GLIS1: variants seen among roughly 807,000 people sequenced by gnomAD.
GLIS1 encodes the protein GLIS family zinc finger 1.
GLIS1 carries 24 observed loss-of-function variants against 63.8 expected under a neutral mutation model. That is an observed-to-expected ratio of 0.38 (90% CI 0.27 to 0.53). The LOEUF (loss-of-function observed/expected upper bound fraction) is 0.53. Ranked by LOEUF, GLIS1 falls within the 20% of genes least tolerant of loss-of-function variation. The pLI is 0.85. For synonymous variants in GLIS1, 450 were observed against 482.5 expected, an observed-to-expected ratio of 0.93 and a Z score of 0.88; for missense variants, 1,036 against 1,074.1, an observed-to-expected ratio of 0.96 and a Z score of 0.50.
chr1:53,680,366 T>C (rs1240942742), intron 2 of GLIS1, among the ~76,000 whole-genome samples: 1 of 152,166 alleles, frequency 6.6e-6, no homozygotes, highest in Non-Finnish European at 1.5e-5. Flanking sequence ...GTAGAGACTA[T>C]GATCTATGCC....
At chr1:53,522,708 A>G (rs775460149) in intron 6 of GLIS1, among the ~76,000 whole-genome samples, 1 of 152,122 alleles carries the variant, frequency 6.6e-6, no homozygotes, top group Non-Finnish European at 1.5e-5. Context: ...CAGGAGTTTG[A>G]AACCAGCCTG....
chr1:53,586,430 C>A (rs901783936), intron 4 of GLIS1, among the ~76,000 whole-genome samples: 3 of 152,228 alleles, frequency 2.0e-5, no homozygotes, highest in Non-Finnish European at 2.9e-5. Context: ...GGACTTCCAA[C>A]AGCCTTTTCT....
intron 2 of GLIS1, among the ~76,000 whole-genome samples, chr1:53,677,137 C>T (rs555193394): frequency 1.7e-4 from 26 of 152,362 alleles, no homozygotes; most frequent in Non-Finnish European, 3.4e-4. Flanking sequence ...TGATGACAGA[C>T]GCACATTAGG....
At position 53,677,212 on chromosome 1, in the gene GLIS1, A is replaced by T. The variant is rs1646222809; in HGVS notation, c.259+60594T>A. ...CAGAGTGAGTGTGTAGATTAGTTAT[A>T]ATGGGAGTTACGGTTGCTACATCCA... On this transcript the variant is annotated intron_variant, in intron 2 of 10. Transcript: ENST00000628545. Among the ~76,000 whole-genome samples the T allele has an allele frequency of 3.3e-5, 5 of 151,780 alleles. No individual in the cohort carries two copies. The South Asian group carries it at 1.0e-3, about 32-fold the overall frequency.
intron 2 of GLIS1, among the ~76,000 whole-genome samples, chr1:53,665,825 G>A (rs1027037347): frequency 5.3e-5 from 8 of 152,162 alleles, no homozygotes; most frequent in African/African-American, 1.9e-4. Context: ...AGCTACTGCT[G>A]AAAGGTCAAA....
At chr1:53,657,538 C>T (rs996530230) in intron 2 of GLIS1, among the ~76,000 whole-genome samples, 1 of 152,160 alleles carries the variant, frequency 6.6e-6, no homozygotes, top group African/African-American at 2.4e-5. Context: ...CTGGCAGCTT[C>T]CCTCTTGGTT....
rs945073423 is a variant in GLIS1, at chr1:53,507,911, C to T, written c.2231-1135G>A. On this transcript the variant is annotated intron_variant, in intron 10 of 10. Coordinates refer to ENST00000628545, the MANE Select transcript of GLIS1 (RefSeq NM_001367484.1). ...GCCCACAGTGCTGGGCACCTCAATTCGGGTATACACAGACACAGAGCACCC... is the reference window on the plus strand; with the variant it reads ...GCCCACAGTGCTGGGCACCTCAATTTGGGTATACACAGACACAGAGCACCC... 3.3e-5 allele frequency among the ~76,000 whole-genome samples: 5 copies of T among 152,148 alleles called. No individual in the cohort carries two copies. The East Asian group carries it at 5.8e-4, about 18-fold the overall frequency.
Position 53,520,573 on chromosome 1 carries a change from T to A in GLIS1, c.1726+61A>T, listed in dbSNP as rs950440745. On this transcript the variant is annotated intron_variant, in intron 7 of 10. Coordinates refer to ENST00000628545, the MANE Select transcript of GLIS1 (RefSeq NM_001367484.1). ...CCACTGAGCATCACTTGTCCTTGAC[T>A]GTGGGCAGAGAAAGGCCCCTCCTGG... 5.9e-6 allele frequency: 9 copies of A among 1,514,674 alleles called. No individual in the cohort carries two copies. The South Asian group carries it at 9.3e-5, about 16-fold the overall frequency. 93.8% of individuals were successfully genotyped at this position (1,514,674 alleles called of 1,614,324 possible).
intron 2 of GLIS1, among the ~76,000 whole-genome samples, chr1:53,717,374 C>T (rs1348424880): frequency 6.6e-6 from 1 of 152,204 alleles, no homozygotes; most frequent in African/African-American, 2.4e-5. Context: ...AGCAATGAAA[C>T]ACCTTCAGAC....
Position 53,622,904 on chromosome 1 carries a change from T to TA in GLIS1, c.260-22627dup, listed in dbSNP as rs140921237. Among the ~76,000 whole-genome samples the TA allele has an allele frequency of 1.1e-3, 173 of 152,372 alleles. 1 individual carries two copies. The East Asian group carries it at 0.014, about 12-fold the overall frequency. Reference sequence around the variant, plus strand: ...GTAGCCTCAGGAAATACATGCTTTTTAAAAAAATTATTCTTTGCCATTTTC... The same window carrying TA: ...GTAGCCTCAGGAAATACATGCTTTTTAAAAAAAATTATTCTTTGCCATTTTC... On this transcript the variant is annotated intron_variant, in intron 2 of 10. Coordinates refer to ENST00000628545, the MANE Select transcript of GLIS1 (RefSeq NM_001367484.1).
In GLIS1 at chr1:53,646,320, T is replaced by C. The variant is rs540126794; in HGVS notation, c.260-46042A>G. 7.2e-5 allele frequency among the ~76,000 whole-genome samples: 11 copies of C among 152,100 alleles called. No individual in the cohort carries two copies. Among genetic ancestry groups the C allele is most frequent in the African/African-American group, 2.7e-4 (11 of 41,494 alleles). ...TGATAATCAGAAATCAAAAAGAATC[T>C]AAAAACAAACTAGACCATTAAAAAG... On this transcript the variant is annotated intron_variant, in intron 2 of 10. Coordinates refer to ENST00000628545, the MANE Select transcript of GLIS1 (RefSeq NM_001367484.1). The surrounding 1 kb of genome is among the most constrained non-coding windows in gnomAD (Gnocchi z 4.2).
At chr1:53,685,349 C>T (rs1450917164) in intron 2 of GLIS1, among the ~76,000 whole-genome samples, 1 of 152,204 alleles carries the variant, frequency 6.6e-6, no homozygotes, top group Admixed American at 6.5e-5. Context: ...GGACCGCGTC[C>T]CCAGAGCGCC....
intron 2 of GLIS1, among the ~76,000 whole-genome samples, chr1:53,635,350 C>T (rs1645712595): frequency 6.6e-6 from 1 of 152,060 alleles, no homozygotes; most frequent in African/African-American, 2.4e-5. Context: ...AATTAAGAAA[C>T]ATGGCCTACA....
At chr1:53,692,477 TAC>T (rs1419617032) in intron 2 of GLIS1, among the ~76,000 whole-genome samples, 1 of 152,260 alleles carries the variant, frequency 6.6e-6, no homozygotes, top group African/African-American at 2.4e-5. Flanking sequence ...CTGTGTGCTT[TAC>T]ACACATTAAT....
intron 4 of GLIS1, among the ~76,000 whole-genome samples, chr1:53,568,002 A>T (rs1644951135): frequency 6.6e-6 from 1 of 152,222 alleles, no homozygotes. Flanking sequence ...GGCCTATGAG[A>T]AGAGGGCCAC....
chr1:53,664,331 G>A (rs1198320084), intron 2 of GLIS1, among the ~76,000 whole-genome samples: 1 of 152,206 alleles, frequency 6.6e-6, no homozygotes, highest in Non-Finnish European at 1.5e-5. Context: ...ACCAGAGGCA[G>A]AGTCAGAGTA....
chr1:53,654,302 A>G (rs540583218), intron 2 of GLIS1, among the ~76,000 whole-genome samples: 1 of 152,224 alleles, frequency 6.6e-6, no homozygotes, highest in Non-Finnish European at 1.5e-5. Context: ...ATTCGTGTGG[A>G]GAGCAAGCAA....
chr1:53,570,582 T>C (rs1644975504), intron 4 of GLIS1, among the ~76,000 whole-genome samples: 1 of 152,052 alleles, frequency 6.6e-6, no homozygotes, highest in African/African-American at 2.4e-5. Context: ...GTAATTAATG[T>C]GCTGTGGTAT....
intron 4 of GLIS1, among the ~76,000 whole-genome samples, chr1:53,561,270 A>C (rs522577): frequency 0.016 from 2,433 of 152,228 alleles, 68 homozygotes; most frequent in African/African-American, 0.054. Flanking sequence ...TTAAGAATAT[A>C]TTGCATTTAT....
Sources: allele counts gnomAD v4.1 joint callset (sites outside exome capture counted in the v4.1 genomes callset), GRCh38; gene constraint gnomAD v4.1.1; non-coding constraint Gnocchi (gnomAD v3.1); transcripts MANE v1.5; gene names NCBI Gene and HGNC (gene_info 2026-07-23, HGNC 2026-07-21).